GALNT2: variants seen among roughly 807,000 people sequenced by gnomAD.
GALNT2 encodes the protein polypeptide N-acetylgalactosaminyltransferase 2.
In GALNT2, 31 loss-of-function variants were observed where a neutral mutation model predicts 81.4. The ratio of observed to expected loss-of-function variants is 0.38; its 90% CI spans 0.29 to 0.51. GALNT2 has a LOEUF of 0.51. GALNT2 is among the 20% of genes least tolerant of loss of function. GALNT2 has a pLI of 0.87. For missense variants in GALNT2, 629 were observed against 765.7 expected, an observed-to-expected ratio of 0.82 and a Z score of 2.11; for synonymous variants, 303 against 287.4, an observed-to-expected ratio of 1.05 and a Z score of -0.55.
chr1:230,273,845 T>C (rs755655307), intron 14 of GALNT2, among the ~76,000 whole-genome samples: 7 of 152,260 alleles, frequency 4.6e-5, no homozygotes, highest in Non-Finnish European at 8.8e-5. Context: ...TTAGCTGTAA[T>C]GTATTCAAAG....
chr1:230,174,573 AACCT>A (rs1662897364), intron 1 of GALNT2, among the ~76,000 whole-genome samples: 1 of 151,724 alleles, frequency 6.6e-6, no homozygotes. Context: ...TGCAGTCAGA[AACCT>A]GGGGCCGTCT....
rs866897282 is a variant in GALNT2, at chr1:230,236,561, G to C, written c.542-99G>C. 33 of 1,424,452 alleles carry C rather than the reference G, an allele frequency of 2.3e-5. No individual in the cohort carries two copies. The African/African-American group carries it at 4.4e-4, about 19-fold the overall frequency. 88.2% of individuals were successfully genotyped at this position (1,424,452 alleles called of 1,614,324 possible). ...AGAGGTGCCTCTGTGATGCCCCAAG[G>C]AGATAATCGGCCCTTAGATGATTGA... On this transcript the variant is annotated intron_variant, in intron 5 of 15. Transcript: ENST00000366672.
rs1666269247 is a variant in GALNT2, at chr1:230,275,392, GCCACATATATACATATGTAAACA to G, written c.1560+842_1560+864del. ...ATCTATAAACACCACATGTATACAC[GCCACATATATACATATGTAAACA>G]CCACATATATACACACCACATATAT... On this transcript the variant is annotated intron_variant, in intron 15 of 15. Coordinates refer to ENST00000366672, the MANE Select transcript of GALNT2 (RefSeq NM_004481.5). The surrounding 1 kb of genome is among the most constrained non-coding windows in gnomAD (Gnocchi z 5.5). Among the ~76,000 whole-genome samples, 2 of 143,942 alleles carry G rather than the reference GCCACATATATACATATGTAAACA, an allele frequency of 1.4e-5. No individual in the cohort carries two copies. The highest frequency in any genetic ancestry group is 1.4e-4 in the Admixed American group (2 of 14,320). 94.4% of individuals were successfully genotyped at this position (143,942 alleles called of 152,430 possible). A position where few individuals can be genotyped will look rare whatever the true frequency, so the allele number is the denominator to read the frequency against.
At chr1:230,190,045 G>A (rs1486599469) in intron 2 of GALNT2, among the ~76,000 whole-genome samples, 3 of 152,212 alleles carry the variant, frequency 2.0e-5, no homozygotes, top group Admixed American at 1.3e-4. Flanking sequence ...TGTGGGGAGC[G>A]AAGTCTACGT....
chr1:230,125,743 G>A (rs773939451), intron 1 of GALNT2, among the ~76,000 whole-genome samples: 1 of 152,214 alleles, frequency 6.6e-6, no homozygotes, highest in African/African-American at 2.4e-5. Flanking sequence ...ATGAGAAATT[G>A]TGAGCACTTT....
intron 7 of GALNT2, among the ~76,000 whole-genome samples, chr1:230,244,759 A>G (rs1360546079): frequency 6.6e-6 from 1 of 152,202 alleles, no homozygotes; most frequent in Non-Finnish European, 1.5e-5. Context: ...GAGCCAGGCA[A>G]GGAAAGTTGT....
chr1:230,085,521 C>T (rs1288441052), intron 1 of GALNT2, among the ~76,000 whole-genome samples: 1 of 152,200 alleles, frequency 6.6e-6, no homozygotes, highest in Non-Finnish European at 1.5e-5. Flanking sequence ...TACAGGTTTC[C>T]CACTCGTAAG....
intron 1 of GALNT2, among the ~76,000 whole-genome samples, chr1:230,141,547 A>G (rs995247568): frequency 6.6e-6 from 1 of 151,964 alleles, no homozygotes; most frequent in Non-Finnish European, 1.5e-5. Flanking sequence ...TCCAGTATTT[A>G]TCCTTTTGTG....
intron 1 of GALNT2, among the ~76,000 whole-genome samples, chr1:230,162,123 A>G (rs1022276060): frequency 6.6e-6 from 1 of 152,216 alleles, no homozygotes; most frequent in Non-Finnish European, 1.5e-5. Flanking sequence ...TATAGACGTG[A>G]ATGAGTTTCC....
chr1:230,149,608 C>G (rs1429050074), intron 1 of GALNT2, among the ~76,000 whole-genome samples: 1 of 152,140 alleles, frequency 6.6e-6, no homozygotes, highest in South Asian at 2.1e-4. Context: ...TAAAAACCGC[C>G]TGATTGGTTT....
intron 1 of GALNT2, among the ~76,000 whole-genome samples, chr1:230,139,699 A>G (rs1225326635): frequency 6.6e-6 from 1 of 152,264 alleles, no homozygotes; most frequent in Non-Finnish European, 1.5e-5. Flanking sequence ...GGAAAATACA[A>G]GCAAAGCACT....
chr1:230,115,243 A>T (rs544815177), intron 1 of GALNT2, among the ~76,000 whole-genome samples: 7 of 152,108 alleles, frequency 4.6e-5, no homozygotes, highest in African/African-American at 1.4e-4. Context: ...TGACCTTGTG[A>T]TCCACCTGCC....
intron 1 of GALNT2, among the ~76,000 whole-genome samples, chr1:230,068,689 A>T (rs1439987372): frequency 1.3e-5 from 2 of 152,102 alleles, no homozygotes; most frequent in African/African-American, 4.8e-5. Context: ...ATAGCCGAAG[A>T]TGTTAGGTGG....
chr1:230,117,417 C>T (rs1660878457), intron 1 of GALNT2, among the ~76,000 whole-genome samples: 1 of 152,244 alleles, frequency 6.6e-6, no homozygotes, highest in Non-Finnish European at 1.5e-5. Context: ...TCACACTCAG[C>T]TAACTGGCCT....
Position 230,123,564 on chromosome 1 carries a change from A to T in GALNT2, c.127-54654A>T, listed in dbSNP as rs540085463. On this transcript the variant is annotated intron_variant, in intron 1 of 15. Transcript: ENST00000366672. ...AGACACCGAGCTTTGGAGACCTCTG[A>T]GAGCCGACTCCACCTTTGATTTTCA... Among the ~76,000 whole-genome samples, 10 of 152,264 alleles carry T rather than the reference A, an allele frequency of 6.6e-5. No individual in the cohort carries two copies. The South Asian group carries it at 2.1e-3, about 32-fold the overall frequency.
In GALNT2 at chr1:230,081,535, C is replaced by A. The variant is rs552969329; in HGVS notation, c.126+14129C>A. On this transcript the variant is annotated intron_variant, in intron 1 of 15. Transcript: ENST00000366672. The stretch of plus-strand genomic sequence containing the variant: ...TGCAAGGTTTTAATTAGGAAATGTT[C>A]TTTCATTAGTTCAGTTTCTGGCTTG... 1.8e-4 allele frequency among the ~76,000 whole-genome samples: 27 copies of A among 152,228 alleles called. No homozygotes were observed. The South Asian group carries it at 5.0e-3, about 28-fold the overall frequency.
intron 1 of GALNT2, among the ~76,000 whole-genome samples, chr1:230,058,977 T>G (rs896838583): frequency 6.6e-6 from 1 of 152,218 alleles, no homozygotes; most frequent in Non-Finnish European, 1.5e-5. Context: ...GCTTTCAGTT[T>G]GGTGGGAGGG....
At chr1:230,187,559 G>T (rs1475954561) in intron 2 of GALNT2, among the ~76,000 whole-genome samples, 1 of 152,224 alleles carries the variant, frequency 6.6e-6, no homozygotes, top group African/African-American at 2.4e-5. Flanking sequence ...TGTGCTCTTA[G>T]ATTTGCTGTC....
intron 2 of GALNT2, among the ~76,000 whole-genome samples, chr1:230,199,369 T>TAGCA (rs2102703889): frequency 6.6e-6 from 1 of 152,328 alleles, no homozygotes; most frequent in South Asian, 2.1e-4. Context: ...GCTTCAAACC[T>TAGCA]AGCAATTCTA....
Sources: allele counts gnomAD v4.1 joint callset (sites outside exome capture counted in the v4.1 genomes callset), GRCh38; gene constraint gnomAD v4.1.1; non-coding constraint Gnocchi (gnomAD v3.1); transcripts MANE v1.5; gene names NCBI Gene and HGNC (gene_info 2026-07-23, HGNC 2026-07-21).